The following SLA2 variants were observed in gnomAD, a reference collection of about 807,000 sequenced individuals.
SLA2 encodes src-like-adapter 2.
In SLA2, 22 loss-of-function variants were observed where a neutral mutation model predicts 27.3. The ratio of observed to expected loss-of-function variants is 0.81; its 90% CI spans 0.58 to 1.15. The LOEUF (loss-of-function observed/expected upper bound fraction) is 1.15, where lower values mean the gene tolerates loss of function less well. Ranked by LOEUF, SLA2 falls within the 50% of genes most tolerant of loss-of-function variation. SLA2 has a pLI of 0.00. For missense variants in SLA2, 304 were observed against 322.2 expected, an observed-to-expected ratio of 0.94 and a Z score of 0.43; for synonymous variants, 131 against 137.8, an observed-to-expected ratio of 0.95 and a Z score of 0.34.
At chr20:36,618,838 C>T (rs1203129421) in intron 5 of SLA2, among the ~76,000 whole-genome samples, 4 of 129,276 alleles carry the variant, frequency 3.1e-5, no homozygotes, top group African/African-American at 1.2e-4. Context: ...ACCCAGGCAG[C>T]GGAGATTGCA....
At position 36,634,474 on chromosome 20, in the gene SLA2, G is replaced by A. The variant is rs776941472; in HGVS notation, c.191+16C>T. The A allele has an allele frequency of 1.9e-6, 3 of 1,578,584 alleles. No individual in the cohort carries two copies. Among genetic ancestry groups the A allele is most frequent in the Non-Finnish European group, 2.6e-6 (3 of 1,152,768 alleles). ...CTATTAGTGCATATTCAGGTATCCA[G>A]TGCCCATGGACTTACTCAGAGACGA... On this transcript the variant is annotated intron_variant, in intron 3 of 7. Coordinates refer to ENST00000262866, the MANE Select transcript of SLA2 (RefSeq NM_032214.4).
intron 6 of SLA2, 109 bp from the exon 7 acceptor site, chr20:36,614,546 A>C (rs1259532239): frequency 6.7e-7 from 1 of 1,491,322 alleles, no homozygotes; most frequent in Non-Finnish European, 8.9e-7. Context: ...ATGGTTACCA[A>C]AGAGTGATAG....
At chr20:36,623,266 C>CAAAA (rs776399343) in intron 5 of SLA2, among the ~76,000 whole-genome samples, 7 of 52,094 alleles carry the variant, frequency 1.3e-4, no homozygotes, top group East Asian at 5.3e-4. Flanking sequence ...CATTACATCT[C>CAAAA]AAAAAAAAAA....
rs545811606 is a variant in SLA2, at chr20:36,641,187, G to A, written c.91+58C>T. On this transcript the variant is annotated intron_variant, in intron 2 of 7. Transcript: ENST00000262866. ...CTGCTGGCCAGGAAGGCCCACAGAG[G>A]CAGTGAAGTCTAGTACTGTGTGGGA... The A allele has an allele frequency of 1.5e-4, 213 of 1,412,596 alleles. No individual in the cohort carries two copies. In the African/African-American group the frequency reaches 2.8e-3, roughly 19 times the overall value. 87.5% of individuals were successfully genotyped at this position (1,412,596 alleles called of 1,614,324 possible).
chr20:36,622,875 CAT>C (rs2039298864), intron 5 of SLA2, among the ~76,000 whole-genome samples: 1 of 152,206 alleles, frequency 6.6e-6, no homozygotes, highest in Non-Finnish European at 1.5e-5. Context: ...TGTAAGGTAA[CAT>C]ATTCACAGGT....
chr20:36,635,176 C>T (rs1266393200), intron 2 of SLA2, among the ~76,000 whole-genome samples: 1 of 151,664 alleles, frequency 6.6e-6, no homozygotes, highest in Admixed American at 6.6e-5. Context: ...CTCAGGCCAA[C>T]CAGACTCCCT....
At chr20:36,616,704 C>G (rs957414588) in intron 5 of SLA2, among the ~76,000 whole-genome samples, 1 of 152,174 alleles carries the variant, frequency 6.6e-6, no homozygotes, top group East Asian at 1.9e-4. Flanking sequence ...ATGATCACAG[C>G]TCCTGGGCTC....
chr20:36,643,167 A>G (rs1235720543), intron 1 of SLA2, among the ~76,000 whole-genome samples: 1 of 152,234 alleles, frequency 6.6e-6, no homozygotes, highest in African/African-American at 2.4e-5. Context: ...TAACTAAATG[A>G]GACTGTTAGC....
At chr20:36,638,318 T>TTTTTG (rs199537452) in intron 2 of SLA2, among the ~76,000 whole-genome samples, 62 of 151,924 alleles carry the variant, frequency 4.1e-4, no homozygotes, top group Non-Finnish European at 5.4e-4. Context: ...CAATTTATTG[T>TTTTTG]TTTTGTTTTG....
intron 5 of SLA2, among the ~76,000 whole-genome samples, chr20:36,618,631 C>T (rs916495261): frequency 9.2e-5 from 14 of 151,980 alleles, no homozygotes; most frequent in East Asian, 5.8e-4. Flanking sequence ...CTAGGCTGGG[C>T]GCAGTGGCTC....
chr20:36,624,729 A>G (rs2147984417), intron 5 of SLA2, among the ~76,000 whole-genome samples: 1 of 152,346 alleles, frequency 6.6e-6, no homozygotes, highest in Non-Finnish European at 1.5e-5. Context: ...CTATCATTGC[A>G]TGATTTGCAG....
At chr20:36,636,051 T>C (rs940777610) in intron 2 of SLA2, among the ~76,000 whole-genome samples, 1 of 152,026 alleles carries the variant, frequency 6.6e-6, no homozygotes, top group African/African-American at 2.4e-5. Flanking sequence ...CCTGAAGTCA[T>C]GGACTGTGCC....
At chr20:36,629,065 ATTTT>A (rs768278326) in intron 5 of SLA2, among the ~76,000 whole-genome samples, 1 of 137,792 alleles carries the variant, frequency 7.3e-6, no homozygotes, top group African/African-American at 2.7e-5. Flanking sequence ...AATTATGAGG[ATTTT>A]TTTTTTTTTT....
intron 3 of SLA2, 120 bp from the exon 4 acceptor site, chr20:36,633,749 T>G: frequency 1.4e-6 from 1 of 730,288 alleles, no homozygotes; most frequent in South Asian, 1.7e-5. Context: ...TCCTGCCTGT[T>G]TCCCAGGCTT....
At chr20:36,628,754 C>T (rs1435872246) in intron 5 of SLA2, among the ~76,000 whole-genome samples, 2 of 151,778 alleles carry the variant, frequency 1.3e-5, no homozygotes, top group Non-Finnish European at 2.9e-5. Context: ...GGGGGTCTCC[C>T]TTTGTTGCCC....
At chr20:36,614,271 C>A in intron 7 of SLA2, 34 bp downstream of exon 7, 1 of 1,614,100 alleles carries the variant, frequency 6.2e-7, no homozygotes, top group Admixed American at 1.7e-5. Context: ...ACTCTTGGTC[C>A]TGCTTTCATG....
At chr20:36,623,991 A>G (rs1164946094) in intron 5 of SLA2, among the ~76,000 whole-genome samples, 2 of 152,066 alleles carry the variant, frequency 1.3e-5, no homozygotes, top group African/African-American at 4.8e-5. Flanking sequence ...CAGTTATTAG[A>G]ATCAGAAAGG....
rs773526359 is a variant in SLA2, at chr20:36,613,972, G to A, written c.680C>T (p.Ser227Phe). 3.7e-6 allele frequency: 6 copies of A among 1,613,972 alleles called. No homozygotes were observed. The African/African-American group carries it at 4.0e-5, about 11-fold the overall frequency. The change falls in exon 8 of 8, where the codon TCT becomes TTT. Residue 227 changes from serine to phenylalanine, a missense_variant. By Grantham distance (155) the Ser-to-Phe change is radical (BLOSUM62 -2). Coordinates refer to ENST00000262866, the MANE Select transcript of SLA2 (RefSeq NM_032214.4). ...WKELDSSLLF[S>F]EAATGEESLL... ...AGACTCCTCCCCTGTGGCAGCTTCA[G>A]AAAACAGGAGGGAGCTGTGGACAAA...
intron 5 of SLA2, among the ~76,000 whole-genome samples, chr20:36,618,556 A>C (rs1196196946): frequency 6.6e-6 from 1 of 152,032 alleles, no homozygotes; most frequent in Non-Finnish European, 1.5e-5. Context: ...AAAGGATTGA[A>C]ATCATTAAAA....
Sources: allele counts gnomAD v4.1 joint callset (sites outside exome capture counted in the v4.1 genomes callset), GRCh38; gene constraint gnomAD v4.1.1; transcripts MANE v1.5; gene names NCBI Gene and HGNC (gene_info 2026-07-23, HGNC 2026-07-21).